Variants in ADH5 observed in about 807,000 individuals in gnomAD.
ADH5 encodes the protein alcohol dehydrogenase 5 (class III), chi polypeptide.
In ADH5, 32 loss-of-function variants were observed where a neutral mutation model predicts 40.3. That is an observed-to-expected ratio of 0.79 (90% CI 0.60 to 1.07). The LOEUF is 1.07. Among genes scored for constraint, ADH5 ranks in the 50% least tolerant of loss-of-function variants. ADH5 has a pLI of 0.00. For missense variants in ADH5, 353 were observed against 460.5 expected (o/e 0.77, Z 2.14); for synonymous variants, 125 against 154.3 (o/e 0.81, Z 1.41).
At chr4:99,087,371 GAA>G (rs1195092478) in intron 1 of ADH5, among the ~76,000 whole-genome samples, 3 of 128,576 alleles carry the variant, frequency 2.3e-5, no homozygotes, top group Non-Finnish European at 4.8e-5. Flanking sequence ...AACAAAGAGC[GAA>G]ACTCCGTCTG....
At chr4:99,075,762 G>GT (rs1727912699) in intron 6 of ADH5, 1 of 153,328 alleles carries the variant, frequency 6.5e-6, no homozygotes, top group South Asian at 2.1e-4. Context: ...TGAATTTTGG[G>GT]TTTTTTCGGA....
chr4:99,081,236 T>G (rs2110462166), intron 4 of ADH5, 129 bp downstream of exon 4: 1 of 699,972 alleles, frequency 1.4e-6, no homozygotes, highest in East Asian at 2.9e-5. Context: ...CTCAGTCCTT[T>G]GAACGTTAAT....
chr4:99,088,570 AC>A (rs1728197087), intron 1 of ADH5, 118 bp downstream of exon 1: 1 of 1,102,496 alleles, frequency 9.1e-7, no homozygotes, highest in Admixed American at 2.8e-5. Context: ...CAGTTTCAGA[AC>A]CAAGAGCCAG....
intron 4 of ADH5, 133 bp downstream of exon 4, chr4:99,081,232 C>A: frequency 1.6e-6 from 1 of 641,814 alleles, no homozygotes; most frequent in Admixed American, 2.8e-5. Flanking sequence ...GGGACTCAGT[C>A]CTTTGAACGT....
At chr4:99,082,188 G>C in intron 2 of ADH5, 72 bp from the exon 3 acceptor site, 2 of 1,463,332 alleles carry the variant, frequency 1.4e-6, no homozygotes, top group Non-Finnish European at 1.9e-6. Flanking sequence ...TACAAGAAAA[G>C]TCATTTTATT....
intron 3 of ADH5, 126 bp from the exon 4 acceptor site, chr4:99,081,578 T>C (rs1728025152): frequency 4.5e-6 from 3 of 673,760 alleles, no homozygotes; most frequent in Non-Finnish European, 5.2e-6. Context: ...CTTAGAACTT[T>C]ACCTAGGTAA....
intron 1 of ADH5, 87 bp from the exon 2 acceptor site, chr4:99,085,303 A>C: frequency 1.9e-6 from 1 of 522,718 alleles, no homozygotes; most frequent in South Asian, 5.0e-5. Flanking sequence ...ATTAATGCTA[A>C]TCTTAAAAAG....
chr4:99,086,939 CAAAAAAAA>C (rs58359709), intron 1 of ADH5, among the ~76,000 whole-genome samples: 2 of 64,270 alleles, frequency 3.1e-5, no homozygotes, highest in African/African-American at 7.1e-5. Flanking sequence ...GACTGCGTCT[CAAAAAAAA>C]AAAAAAAAAA....
At chr4:99,077,247 G>A (rs535663101) in intron 4 of ADH5, among the ~76,000 whole-genome samples, 3 of 152,298 alleles carry the variant, frequency 2.0e-5, no homozygotes, top group Admixed American at 6.5e-5. Flanking sequence ...GGTGGGCCAG[G>A]TGCAGTGGCT....
Position 99,085,208 on chromosome 4 carries a change from C to A in ADH5, c.21G>T (p.Lys7Asn). 6.7e-7 allele frequency: 1 copy of A among 1,503,268 alleles called. No individual in the cohort carries two copies. Among genetic ancestry groups the A allele is most frequent in the Non-Finnish European group, 8.9e-7 (1 of 1,121,932 alleles). 93.1% of individuals were successfully genotyped at this position (1,503,268 alleles called of 1,614,324 possible). Residue 7 changes from lysine to asparagine, a missense_variant, in exon 2 of 9, where the codon AAG becomes AAT. Transcript: ENST00000296412. ...CCTCCCAAGCAACTGCAGCCTTGCA[C>A]TTGATAACCTGAAGTGGGGAAAAAA... MANEVI[K>N]CKAAVAWEAG...
intron 1 of ADH5, among the ~76,000 whole-genome samples, chr4:99,086,960 AAAAAG>A (rs1170279844): frequency 3.3e-5 from 5 of 151,392 alleles, no homozygotes; most frequent in Non-Finnish European, 5.9e-5. Context: ...AAAAAAAAAA[AAAAAG>A]AATATGAAGT....
intron 7 of ADH5, among the ~76,000 whole-genome samples, chr4:99,073,695 G>T (rs1727872428): frequency 6.6e-6 from 1 of 151,940 alleles, no homozygotes; most frequent in Non-Finnish European, 1.5e-5. Context: ...TAAATGTCCT[G>T]GTAACTGAGA....
intron 1 of ADH5, among the ~76,000 whole-genome samples, chr4:99,087,404 G>C (rs1390980194): frequency 7.9e-6 from 1 of 127,336 alleles, no homozygotes; most frequent in Non-Finnish European, 1.7e-5. Flanking sequence ...GGAGGGGGGG[G>C]GGAGGGAAAT....
chr4:99,079,086 G>T (rs1261237472), intron 4 of ADH5, among the ~76,000 whole-genome samples: 1 of 152,300 alleles, frequency 6.6e-6, no homozygotes, highest in Non-Finnish European at 1.5e-5. Flanking sequence ...AGTGTAAACT[G>T]GTACAAGTAC....
At chr4:99,084,840 C>A (rs28730581) in intron 2 of ADH5, among the ~76,000 whole-genome samples, 10,964 of 152,194 alleles carry the variant, frequency 0.072, 623 homozygotes, top group African/African-American at 0.17. Context: ...TACAGAGTTA[C>A]CTTAAACCTA....
rs1037621175 is a variant in ADH5 at position 99,072,125 on chromosome 4, T to C, written c.*292A>G. The C allele has an allele frequency of 9.1e-6, 3 of 327,966 alleles. No homozygotes were observed. The highest frequency in any genetic ancestry group is 1.0e-4 in the East Asian group (2 of 19,360). 20.3% of individuals were successfully genotyped at this position (327,966 alleles called of 1,614,324 possible). A position where few individuals can be genotyped will look rare whatever the true frequency, so the allele number is the denominator to read the frequency against. ...ATGGGCAGACAAACCGTGACAATGA[T>C]GACAGCATAAAACAAGACAATTTCC... On this transcript the variant is annotated 3_prime_UTR_variant, in exon 9 of 9. Transcript: ENST00000296412.
In ADH5 at chr4:99,071,692, A is replaced by G. The variant is rs1261903903; in HGVS notation, c.*725T>C. On this transcript the variant is annotated 3_prime_UTR_variant, in exon 9 of 9. Coordinates refer to ENST00000296412, the MANE Select transcript of ADH5 (RefSeq NM_000671.4). ...TTACCTCTGGAGGGGAGGAATGGCA[A>G]TGTGATCTCGAAGTGGCAAAATGTT... 6.6e-6 allele frequency: 1 copy of G among 152,228 alleles called. No homozygotes were observed. The highest frequency in any genetic ancestry group is 1.5e-5 in the Non-Finnish European group (1 of 68,052). 9.4% of individuals were successfully genotyped at this position (152,228 alleles called of 1,614,324 possible).
chr4:99,074,572 T>C (rs140013266), intron 7 of ADH5, among the ~76,000 whole-genome samples: 7 of 152,340 alleles, frequency 4.6e-5, no homozygotes, highest in Non-Finnish European at 7.4e-5. Context: ...AAACACACCA[T>C]GGCTGATACT....
chr4:99,075,172 A>C, intron 6 of ADH5, 123 bp from the exon 7 acceptor site: 1 of 778,164 alleles, frequency 1.3e-6, no homozygotes, highest in East Asian at 2.9e-5. Context: ...GCCAAACTTA[A>C]CATTTAGTGA....
Sources: gnomAD v4.1 joint callset for allele counts (sites outside exome capture counted in the v4.1 genomes callset) on GRCh38, gnomAD v4.1.1 for gene constraint, MANE v1.5 for transcripts, NCBI Gene and HGNC (gene_info 2026-07-23, HGNC 2026-07-21) for gene names.